AP4E1: variants seen among roughly 807,000 people sequenced by gnomAD.
AP4E1 encodes AP-4 complex subunit epsilon-1.
AP4E1 carries 56 observed loss-of-function variants against 128.2 expected under a neutral mutation model. The ratio of observed to expected loss-of-function variants is 0.44; its 90% confidence interval spans 0.35 to 0.55. AP4E1 has a LOEUF of 0.55. AP4E1 is among the 20% of genes least tolerant of loss of function. AP4E1 has a pLI of 0.00. For synonymous variants in AP4E1, 484 were observed against 473.1 expected (o/e 1.02, Z -0.30); for missense variants, 1,324 against 1,307.7 (o/e 1.01, Z -0.19).
chr15:50,911,118 G>A (rs1412634930), intron 1 of AP4E1, among the ~76,000 whole-genome samples: 3 of 152,156 alleles, frequency 2.0e-5, no homozygotes, highest in African/African-American at 7.2e-5. Flanking sequence ...GTCACTAGTG[G>A]CTTTTGAATA....
chr15:50,950,088 C>G lies in AP4E1; in HGVS notation c.1467C>G (p.Leu489=), dbSNP rs1205039109. The G allele has an allele frequency of 3.1e-5, 50 of 1,613,024 alleles. No individual in the cohort carries two copies. The East Asian group carries it at 1.1e-3, about 35-fold the overall frequency. Residue 489 remains leucine (L), a synonymous_variant, in exon 13 of 21, where the codon CTC becomes CTG. Coordinates refer to ENST00000261842, the MANE Select transcript of AP4E1 (RefSeq NM_007347.5). The stretch of plus-strand genomic sequence containing the variant: ...AAACAGAAGATCAGCAATTAAGACT[C>G]TATGCAGTTCAGTCTTATCTCACTT... ...DDETEDQQLR[L]YAVQSYLTLL...
chr15:50,958,161 A>G (rs1461519819), intron 13 of AP4E1, among the ~76,000 whole-genome samples: 1 of 152,200 alleles, frequency 6.6e-6, no homozygotes, highest in African/African-American at 2.4e-5. Context: ...CCATCATTAC[A>G]TGAGAACCAT....
chr15:50,938,760 G>C (rs181370664), intron 8 of AP4E1, among the ~76,000 whole-genome samples: 3 of 152,108 alleles, frequency 2.0e-5, no homozygotes, highest in East Asian at 3.9e-4. Context: ...GCAGTAATGA[G>C]GTACCCCTCT....
Position 50,968,441 on chromosome 15 carries a change from T to G in AP4E1, c.1966+64T>G, listed in dbSNP as rs565619569. The G allele has an allele frequency of 7.2e-6, 8 of 1,105,840 alleles. No homozygotes were observed. In the East Asian group the frequency reaches 1.6e-4, roughly 22 times the overall value. 68.5% of individuals were successfully genotyped at this position (1,105,840 alleles called of 1,614,324 possible). On this transcript the variant is annotated intron_variant, in intron 15 of 20. Transcript: ENST00000261842. Reference sequence around the variant, plus strand: ...GATGTAATTTTTGATATTATAGTCATGTAAGTAAATAAATAAAGATATTTA... The same window carrying G: ...GATGTAATTTTTGATATTATAGTCAGGTAAGTAAATAAATAAAGATATTTA...
At chr15:50,987,467 A>G (rs551106592) in intron 16 of AP4E1, among the ~76,000 whole-genome samples, 2 of 152,050 alleles carry the variant, frequency 1.3e-5, no homozygotes, top group South Asian at 2.1e-4. Flanking sequence ...TCTACACACT[A>G]CTTTAAATGT....
At chr15:50,915,388 A>C in intron 2 of AP4E1, 60 bp from the exon 3 acceptor site, 1 of 1,539,236 alleles carries the variant, frequency 6.5e-7, no homozygotes, top group Non-Finnish European at 9.0e-7. Flanking sequence ...ATGAGAACAT[A>C]GTTAAAACAA....
rs765082918 is a variant in AP4E1, at chr15:50,948,121, C to T, written c.1278C>T (p.Ile426=). Residue 426 remains isoleucine, a synonymous_variant, in exon 11 of 21, where the codon ATC becomes ATT. Transcript: ENST00000261842. ...YLHQSKEEYV[I]VNLVGKIAEL... is the part of the protein sequence containing the mutation. ...ATCAGAGCAAAGAAGAGTATGTCAT[C>T]GTCAATTTGGTCGGCAAAATAGCAG... The T allele has an allele frequency of 5.1e-5, 83 of 1,613,782 alleles. No homozygotes were observed. In the South Asian group the frequency reaches 8.6e-4, roughly 17 times the overall value.
Position 50,941,301 on chromosome 15 carries a change from G to A in AP4E1, c.944-141G>A, listed in dbSNP as rs541643447. ...ACTGGGTAAGCCTGAAAGTAGTAGC[G>A]TTTGTTTCTGTGAAAAGTCCATAAA... On this transcript the variant is annotated intron_variant, in intron 8 of 20. Coordinates refer to ENST00000261842, the MANE Select transcript of AP4E1 (RefSeq NM_007347.5). The A allele has an allele frequency of 1.7e-3, 1,510 of 906,630 alleles. 4 individuals carry two copies. Among genetic ancestry groups the A allele is most frequent in the Non-Finnish European group, 2.2e-3 (1,283 of 587,200 alleles). The allele number at this position is 906,630 out of a possible 1,614,324, so 56.2% of individuals were successfully genotyped here. A position where few individuals can be genotyped will look rare whatever the true frequency, so the allele number is the denominator to read the frequency against.
chr15:50,924,884 T>A (rs531948173), intron 4 of AP4E1, among the ~76,000 whole-genome samples: 1 of 152,178 alleles, frequency 6.6e-6, no homozygotes, highest in East Asian at 1.9e-4. Context: ...TCCTCTTCTA[T>A]CAGTTGCTTT....
At chr15:50,950,247 A>G (rs2064130948) in intron 13 of AP4E1, 78 bp downstream of exon 13, 14 of 1,046,330 alleles carry the variant, frequency 1.3e-5, no homozygotes, top group Non-Finnish European at 2.0e-5. Flanking sequence ...TTCTTCAGAA[A>G]CCATTCGCTT....
intron 10 of AP4E1, chr15:50,944,945 C>G (rs949564197): frequency 3.6e-5 from 28 of 771,402 alleles, no homozygotes; most frequent in Admixed American, 1.7e-4. Flanking sequence ...GAATTTGGAA[C>G]CTGACTCAAC....
intron 16 of AP4E1, among the ~76,000 whole-genome samples, chr15:50,985,229 A>G (rs1191533902): frequency 1.3e-5 from 2 of 152,000 alleles, no homozygotes; most frequent in African/African-American, 4.8e-5. Context: ...AGATGAGTAG[A>G]TTGCAAAAAT....
At chr15:50,911,451 G>C (rs1432544048) in intron 1 of AP4E1, among the ~76,000 whole-genome samples, 1 of 151,178 alleles carries the variant, frequency 6.6e-6, no homozygotes, top group Non-Finnish European at 1.5e-5. Context: ...CCAATACATG[G>C]AGAATTTCTA....
intron 20 of AP4E1, 151 bp from the exon 21 acceptor site, chr15:51,002,351 T>C (rs1194822302): frequency 1.3e-6 from 1 of 742,476 alleles, no homozygotes; most frequent in East Asian, 2.6e-5. Context: ...AAGTATAGTA[T>C]CTCACTGTGG....
intron 16 of AP4E1, among the ~76,000 whole-genome samples, chr15:50,984,776 A>G (rs1333037465): frequency 1.3e-5 from 2 of 152,172 alleles, no homozygotes; most frequent in Non-Finnish European, 2.9e-5. Context: ...ATACGTGTGC[A>G]TGTGTCTTTA....
In AP4E1 at chr15:50,997,829, TG is replaced by T. The variant is rs2064900728; in HGVS notation, c.2852del (p.Gly951ValfsTer4). Reference sequence around the variant, plus strand: ...TGGTCTGGTCAGTCACTAATAAGAGTGGTTTGGAATTGAAAAGTGCTGACTT... The same window carrying T: ...TGGTCTGGTCAGTCACTAATAAGAGTGTTTGGAATTGAAAAGTGCTGACTT... The part of the protein sequence containing the change: ...LMVWSVTNKS[G>X]LELKSADLEI... On this transcript the variant is annotated frameshift_variant, in exon 18 of 21. Coordinates refer to ENST00000261842, the MANE Select transcript of AP4E1 (RefSeq NM_007347.5). LOFTEE classifies it high-confidence loss of function. 1 of 1,598,000 alleles carries T rather than the reference TG, an allele frequency of 6.3e-7. No homozygotes were observed. Among genetic ancestry groups the T allele is most frequent in the Non-Finnish European group, 8.5e-7 (1 of 1,170,694 alleles).
intron 3 of AP4E1, among the ~76,000 whole-genome samples, chr15:50,921,634 AT>A (rs1255844983): frequency 6.6e-6 from 1 of 152,126 alleles, no homozygotes; most frequent in African/African-American, 2.4e-5. Context: ...ATTTATCTTC[AT>A]TTTAAAGATG....
chr15:50,929,783 T>G (rs1345517310), intron 6 of AP4E1, among the ~76,000 whole-genome samples: 1 of 152,200 alleles, frequency 6.6e-6, no homozygotes, highest in East Asian at 1.9e-4. Flanking sequence ...ATGTATCGTG[T>G]TCTAAAATAG....
intron 6 of AP4E1, 105 bp from the exon 7 acceptor site, chr15:50,930,700 T>C: frequency 9.0e-7 from 1 of 1,115,834 alleles, no homozygotes; most frequent in South Asian, 1.3e-5. Flanking sequence ...AATGTGAACA[T>C]AAACTTAAGT....
Sources: allele counts gnomAD v4.1 joint callset (sites outside exome capture counted in the v4.1 genomes callset), GRCh38; gene constraint gnomAD v4.1.1; transcripts MANE v1.5; gene names NCBI Gene and HGNC (gene_info 2026-07-23, HGNC 2026-07-21).